Variants in CA10 observed in about 807,000 individuals in gnomAD.
CA10 encodes carbonic anhydrase-related protein 10.
CA10 carries 14 observed loss-of-function variants against 44.2 expected under a neutral mutation model. The ratio of observed to expected loss-of-function variants is 0.32; its 90% CI spans 0.21 to 0.50. The LOEUF (loss-of-function observed/expected upper bound fraction) is 0.50, where lower values mean the gene tolerates loss of function less well. Ranked by LOEUF, CA10 falls within the 20% of genes least tolerant of loss-of-function variation. The pLI, the probability that CA10 is intolerant of heterozygous loss-of-function variation, is 0.99. For missense variants in CA10, 350 were observed against 409.7 expected (o/e 0.85, Z 1.26); for synonymous variants, 159 against 141.6 (o/e 1.12, Z -0.87).
At chr17:51,854,993 G>T (rs1190517765) in intron 3 of CA10, among the ~76,000 whole-genome samples, 1 of 152,178 alleles carries the variant, frequency 6.6e-6, no homozygotes, top group Non-Finnish European at 1.5e-5. Context: ...TCAGTGCTCT[G>T]ATGCTGCCCC....
intron 2 of CA10, among the ~76,000 whole-genome samples, chr17:52,033,117 A>T (rs979078979): frequency 1.3e-5 from 2 of 152,178 alleles, no homozygotes; most frequent in Admixed American, 6.5e-5. Context: ...TGGGTCATGA[A>T]GGAAAAATAG....
intron 3 of CA10, among the ~76,000 whole-genome samples, chr17:51,905,571 C>A (rs1981514547): frequency 8.1e-6 from 1 of 124,168 alleles, no homozygotes; most frequent in Non-Finnish European, 1.6e-5. Flanking sequence ...CCCTTTGCTG[C>A]TGTCTTTCAT....
chr17:51,939,345 T>C (rs961072515), intron 2 of CA10, among the ~76,000 whole-genome samples: 5 of 152,114 alleles, frequency 3.3e-5, no homozygotes, highest in African/African-American at 1.2e-4. Context: ...TACTTTACCA[T>C]GAAAATCAAT....
intron 3 of CA10, among the ~76,000 whole-genome samples, chr17:51,902,829 A>G (rs1205269017): frequency 6.6e-6 from 1 of 152,188 alleles, no homozygotes; most frequent in Non-Finnish European, 1.5e-5. Context: ...AGTGTTAGGC[A>G]TTCAGTGATG....
At position 51,631,495 on chromosome 17, in the gene CA10, A is replaced by C; in HGVS notation, c.*89T>G. On this transcript the variant is annotated 3_prime_UTR_variant, in exon 9 of 9. Transcript: ENST00000451037. The stretch of plus-strand genomic sequence containing the variant: ...TGAATGAGGCTTGGGGGAAAGAAGG[A>C]GAGAGAAGCAAGAAGGGGGACATTC... 1 of 1,189,464 alleles carries C rather than the reference A, an allele frequency of 8.4e-7. No individual in the cohort carries two copies. Among genetic ancestry groups the C allele is most frequent in the Non-Finnish European group, 1.3e-6 (1 of 797,098 alleles). 73.7% of individuals were successfully genotyped at this position (1,189,464 alleles called of 1,614,324 possible).
At chr17:51,928,512 C>T (rs942470051) in intron 3 of CA10, among the ~76,000 whole-genome samples, 4 of 152,096 alleles carry the variant, frequency 2.6e-5, no homozygotes, top group African/African-American at 9.7e-5. Context: ...AAGTCAGGGG[C>T]TTCCAGAGAG....
chr17:51,703,271 ATTAG>A (rs1168340730), intron 4 of CA10, among the ~76,000 whole-genome samples: 1 of 152,204 alleles, frequency 6.6e-6, no homozygotes, highest in African/African-American at 2.4e-5. Flanking sequence ...TTCTTTGTTC[ATTAG>A]TTATAGTGAT....
chr17:51,888,219 G>GGAA (rs1012534390), intron 3 of CA10, among the ~76,000 whole-genome samples: 36 of 151,564 alleles, frequency 2.4e-4, no homozygotes, highest in African/African-American at 8.5e-4. Context: ...AAGGGAGAGA[G>GGAA]GAAGTAACAA....
At chr17:52,002,658 G>C (rs908972999) in intron 2 of CA10, among the ~76,000 whole-genome samples, 1 of 151,840 alleles carries the variant, frequency 6.6e-6, no homozygotes, top group South Asian at 2.1e-4. Context: ...AATTCATGTA[G>C]GGAGAAGGAA....
chr17:52,096,655 C>T (rs1470993324), intron 1 of CA10, among the ~76,000 whole-genome samples: 1 of 152,044 alleles, frequency 6.6e-6, no homozygotes, highest in Non-Finnish European at 1.5e-5. Flanking sequence ...TGATATTTTG[C>T]TAAATGTACT....
At chr17:51,940,290 A>C (rs1038529411) in intron 2 of CA10, among the ~76,000 whole-genome samples, 2 of 152,088 alleles carry the variant, frequency 1.3e-5, no homozygotes, top group African/African-American at 4.8e-5. Context: ...TGAGTGTAGT[A>C]ACATTTATGG....
chr17:51,991,765 C>T (rs1401804513), intron 2 of CA10, among the ~76,000 whole-genome samples: 5 of 152,222 alleles, frequency 3.3e-5, no homozygotes, highest in African/African-American at 1.2e-4. Context: ...GCCGAGATCA[C>T]GCCACTGCAC....
At chr17:52,030,312 C>G (rs145228504) in intron 2 of CA10, among the ~76,000 whole-genome samples, 1 of 151,824 alleles carries the variant, frequency 6.6e-6, no homozygotes, top group Admixed American at 6.6e-5. Flanking sequence ...TCTCTCTTAA[C>G]GATGAGTTGC....
At chr17:51,640,284 A>G (rs543197333) in intron 6 of CA10, among the ~76,000 whole-genome samples, 3 of 152,300 alleles carry the variant, frequency 2.0e-5, no homozygotes, top group African/African-American at 7.2e-5. Flanking sequence ...AGGGAGGAAG[A>G]GACGACATCA....
At chr17:51,767,016 A>C (rs189000206) in intron 3 of CA10, among the ~76,000 whole-genome samples, 6 of 152,308 alleles carry the variant, frequency 3.9e-5, no homozygotes, top group Admixed American at 2.6e-4. Context: ...GTTGCTATTT[A>C]AAAAATCTCT....
intron 4 of CA10, among the ~76,000 whole-genome samples, chr17:51,681,974 C>T (rs945331014): frequency 1.3e-5 from 2 of 152,188 alleles, no homozygotes; most frequent in African/African-American, 4.8e-5. Flanking sequence ...TGCAGGATTG[C>T]TTTGATTTTT....
chr17:51,720,786 AAT>A (rs1283238177), intron 4 of CA10, among the ~76,000 whole-genome samples: 2 of 152,286 alleles, frequency 1.3e-5, no homozygotes, highest in East Asian at 3.9e-4. Flanking sequence ...AAGGGTAGAA[AAT>A]TTCAGGTAGA....
chr17:51,779,911 C>T (rs751609214), intron 3 of CA10, among the ~76,000 whole-genome samples: 9 of 152,168 alleles, frequency 5.9e-5, no homozygotes, highest in East Asian at 3.9e-4. Flanking sequence ...GGCACCTCAG[C>T]GACATCAGCC....
intron 2 of CA10, among the ~76,000 whole-genome samples, chr17:52,000,711 A>C (rs1985392774): frequency 1.3e-5 from 2 of 152,066 alleles, no homozygotes; most frequent in African/African-American, 4.8e-5. Flanking sequence ...ACATATAAGC[A>C]TGTGTCAGAT....
Sources: gnomAD v4.1 joint callset for allele counts (sites outside exome capture counted in the v4.1 genomes callset) on GRCh38, gnomAD v4.1.1 for gene constraint, MANE v1.5 for transcripts, NCBI Gene and HGNC (gene_info 2026-07-23, HGNC 2026-07-21) for gene names.